Variants in IKZF1 observed in about 807,000 individuals in gnomAD.
The protein encoded by IKZF1 is IKAROS family zinc finger 1, also known as DNA-binding protein Ikaros.
IKZF1 carries 10 observed loss-of-function variants against 51.7 expected under a neutral mutation model. That is an observed-to-expected ratio of 0.19 (90% CI 0.12 to 0.33). IKZF1 has a LOEUF of 0.33. IKZF1 is among the 10% of genes least tolerant of loss of function. The pLI is 1.00. For missense variants in IKZF1, 484 were observed against 707.5 expected (o/e 0.68, Z 3.58); for synonymous variants, 280 against 282.3 (o/e 0.99, Z 0.08).
At chr7:50,335,490 G>A (rs1191307438) in intron 3 of IKZF1, among the ~76,000 whole-genome samples, 4 of 144,140 alleles carry the variant, frequency 2.8e-5, no homozygotes, top group African/African-American at 1.0e-4. Context: ...GTGTGTATGT[G>A]TGGTGTGTAT....
In IKZF1 at chr7:50,400,796, T is replaced by C; in HGVS notation, c.*169T>C. On this transcript the variant is annotated 3_prime_UTR_variant, in exon 8 of 8. Coordinates refer to ENST00000331340, the MANE Select transcript of IKZF1 (RefSeq NM_006060.6). The surrounding 1 kb of genome is among the most constrained non-coding windows in gnomAD (Gnocchi z 5.4). ...TTTGAGTTGGTTGATTGGGGTTTGA[T>C]TTGCTTTTGAAAAGATTTTTATTTT... 1.1e-6 allele frequency: 1 copy of C among 880,730 alleles called. No individual in the cohort carries two copies. Among genetic ancestry groups the C allele is most frequent in the Non-Finnish European group, 1.7e-6 (1 of 592,756 alleles). The allele number at this position is 880,730 out of a possible 1,614,324, so 54.6% of individuals were successfully genotyped here. A position where few individuals can be genotyped will look rare whatever the true frequency, so the allele number is the denominator to read the frequency against.
At chr7:50,393,635 A>G (rs529396732) in intron 7 of IKZF1, among the ~76,000 whole-genome samples, 49 of 152,370 alleles carry the variant, frequency 3.2e-4, no homozygotes, top group Non-Finnish European at 5.9e-4. Flanking sequence ...CCACACACAC[A>G]TGAGCCTTTG....
intron 1 of IKZF1, among the ~76,000 whole-genome samples, chr7:50,311,296 T>C (rs952352744): frequency 6.6e-6 from 1 of 152,222 alleles, no homozygotes; most frequent in African/African-American, 2.4e-5. Context: ...TAAATAGATA[T>C]ATGTGCAACA....
chr7:50,304,709 G>C (rs888422421), upstream of IKZF1: 2 of 151,974 alleles, frequency 1.3e-5, no homozygotes, highest in African/African-American at 2.4e-5. Flanking sequence ...GGCCAAGTTA[G>C]CAGGACACTC....
Position 50,402,622 on chromosome 7 carries a change from A to C in IKZF1, c.*1995A>C, listed in dbSNP as rs1285238459. ...TTCCCGGTCAGCAGTATCAAGGCTG[A>C]CTTGTGTTCATGTGGAGTCATTATA... is the stretch of plus-strand genomic sequence containing the variant. On this transcript the variant is annotated 3_prime_UTR_variant, in exon 8 of 8. Transcript: ENST00000331340. The C allele has an allele frequency of 4.3e-6, 1 of 231,806 alleles. No homozygotes were observed. Among genetic ancestry groups the C allele is most frequent in the Non-Finnish European group, 8.5e-6 (1 of 117,110 alleles). 14.4% of individuals were successfully genotyped at this position (231,806 alleles called of 1,614,324 possible).
chr7:50,359,228 T>C (rs1010913300), intron 3 of IKZF1, among the ~76,000 whole-genome samples: 2 of 152,290 alleles, frequency 1.3e-5, no homozygotes, highest in Admixed American at 6.5e-5. Flanking sequence ...GCCACTGCAC[T>C]ACAGCCTGGG....
chr7:50,340,957 A>G (rs1276771513), intron 3 of IKZF1, among the ~76,000 whole-genome samples: 1 of 152,206 alleles, frequency 6.6e-6, no homozygotes, highest in Non-Finnish European at 1.5e-5. Context: ...ATATGGTCTC[A>G]ACACTGATTT....
In IKZF1 at chr7:50,314,740, G is replaced by A. The variant is rs939565152; in HGVS notation, c.-14-4308G>A. ...GAGGCAGCTCAGAGGCCTGAGACCC[G>A]CCTCCACAGGAGCCCCAGCAGGTTC... On this transcript the variant is annotated intron_variant, in intron 1 of 7. Coordinates refer to ENST00000331340, the MANE Select transcript of IKZF1 (RefSeq NM_006060.6). Among the ~76,000 whole-genome samples, 10 of 152,300 alleles carry A rather than the reference G, an allele frequency of 6.6e-5. No individual in the cohort carries two copies. The East Asian group carries it at 1.5e-3, about 24-fold the overall frequency.
At chr7:50,313,815 T>C (rs1790784154) in intron 1 of IKZF1, among the ~76,000 whole-genome samples, 1 of 152,256 alleles carries the variant, frequency 6.6e-6, no homozygotes, top group Admixed American at 6.5e-5. Context: ...TTGGACACTA[T>C]GCCAGGTGCT....
At chr7:50,386,811 A>T (rs183310713) in intron 5 of IKZF1, among the ~76,000 whole-genome samples, 1 of 152,338 alleles carries the variant, frequency 6.6e-6, no homozygotes, top group Non-Finnish European at 1.5e-5. Context: ...CGCTTATTTC[A>T]TTCAAGCATA....
At chr7:50,370,799 A>G (rs1473154638) in intron 3 of IKZF1, among the ~76,000 whole-genome samples, 1 of 152,168 alleles carries the variant, frequency 6.6e-6, no homozygotes, top group South Asian at 2.1e-4. Flanking sequence ...AATCAGTTCA[A>G]TTCAGCACCT....
At chr7:50,358,044 C>T (rs1037224895) in intron 3 of IKZF1, among the ~76,000 whole-genome samples, 30 of 152,244 alleles carry the variant, frequency 2.0e-4, no homozygotes, top group African/African-American at 7.2e-4. Flanking sequence ...CCTGGAGTCA[C>T]ATGGCAACAG....
intron 1 of IKZF1, among the ~76,000 whole-genome samples, chr7:50,317,660 C>T (rs1465150355): frequency 1.3e-5 from 2 of 152,172 alleles, no homozygotes; most frequent in Non-Finnish European, 2.9e-5. Flanking sequence ...TAGATAAAAG[C>T]CCCTCCCATC....
At chr7:50,364,831 T>C (rs1257413388) in intron 3 of IKZF1, among the ~76,000 whole-genome samples, 1 of 152,156 alleles carries the variant, frequency 6.6e-6, no homozygotes. Flanking sequence ...CTACCCTGGA[T>C]GTGTGGTGAA....
At chr7:50,337,063 T>A (rs1584577754) in intron 3 of IKZF1, among the ~76,000 whole-genome samples, 1 of 151,892 alleles carries the variant, frequency 6.6e-6, no homozygotes, top group African/African-American at 2.4e-5. Flanking sequence ...TGGCGGTGGG[T>A]TTCCCACAAG....
chr7:50,367,172 C>G (rs977332573), intron 3 of IKZF1, among the ~76,000 whole-genome samples: 1 of 152,190 alleles, frequency 6.6e-6, no homozygotes, highest in Non-Finnish European at 1.5e-5. Flanking sequence ...AAGCAAAGTT[C>G]AGTAGGTCTG....
At chr7:50,394,810 A>T (rs1396691453) in intron 7 of IKZF1, among the ~76,000 whole-genome samples, 7 of 152,334 alleles carry the variant, frequency 4.6e-5, no homozygotes, top group Non-Finnish European at 8.8e-5. Flanking sequence ...AACATTCCTC[A>T]CCACTGGGGC....
intron 1 of IKZF1, among the ~76,000 whole-genome samples, chr7:50,310,900 C>G (rs1222445003): frequency 6.6e-6 from 1 of 152,158 alleles, no homozygotes; most frequent in Non-Finnish European, 1.5e-5. Context: ...AGTGGAACCC[C>G]TCGAAGGTGG....
intron 3 of IKZF1, among the ~76,000 whole-genome samples, chr7:50,362,195 A>G (rs538739817): frequency 1.3e-5 from 2 of 152,372 alleles, no homozygotes; most frequent in East Asian, 3.9e-4. Context: ...AGTAAAGCAT[A>G]GTGACTTTGG....
Sources: gnomAD v4.1 joint callset for allele counts (sites outside exome capture counted in the v4.1 genomes callset) on GRCh38, gnomAD v4.1.1 for gene constraint, Gnocchi (gnomAD v3.1) non-coding constraint, MANE v1.5 for transcripts, NCBI Gene and HGNC (gene_info 2026-07-23, HGNC 2026-07-21) for gene names.